The following ESRRG variants were observed in gnomAD, a reference collection of about 807,000 sequenced individuals.
ESRRG encodes estrogen-related receptor gamma.
A neutral mutation model predicts 44.0 loss-of-function variants in ESRRG; 13 were observed. The ratio of observed to expected loss-of-function variants is 0.30; its 90% confidence interval spans 0.19 to 0.47. The LOEUF (loss-of-function observed/expected upper bound fraction) is 0.47. Ranked by LOEUF, ESRRG falls within the 20% of genes least tolerant of loss-of-function variation. ESRRG has a pLI of 1.00. For synonymous variants in ESRRG, 215 were observed against 214.6 expected (o/e 1.00, Z -0.02); for missense variants, 395 against 580.6 (o/e 0.68, Z 3.29).
intron 2 of ESRRG, among the ~76,000 whole-genome samples, chr1:216,938,863 T>C (rs1271042327): frequency 6.6e-6 from 1 of 152,148 alleles, no homozygotes; most frequent in African/African-American, 2.4e-5. Context: ...CAAAAGAATC[T>C]TTACATGCTA....
chr1:217,096,874 C>A (rs1046705184), intron 1 of ESRRG, among the ~76,000 whole-genome samples: 4 of 152,120 alleles, frequency 2.6e-5, no homozygotes, highest in African/African-American at 4.8e-5. Flanking sequence ...AATGAATAAA[C>A]AATGATCAAG....
At chr1:216,647,001 T>C (rs2067745522) in intron 3 of ESRRG, among the ~76,000 whole-genome samples, 1 of 152,128 alleles carries the variant, frequency 6.6e-6, no homozygotes, top group African/African-American at 2.4e-5. Context: ...GTGAATTCTA[T>C]ACCTAAATGA....
chr1:216,819,067 T>C (rs1397161727), intron 2 of ESRRG, among the ~76,000 whole-genome samples: 1 of 152,188 alleles, frequency 6.6e-6, no homozygotes, highest in Non-Finnish European at 1.5e-5. Context: ...AGTGCTGCAG[T>C]GGACATACGT....
At chr1:216,620,930 A>G (rs749102072) in intron 3 of ESRRG, among the ~76,000 whole-genome samples, 2 of 152,190 alleles carry the variant, frequency 1.3e-5, no homozygotes, top group Non-Finnish European at 2.9e-5. Flanking sequence ...TGGCTTACCA[A>G]TCTGAAATCT....
At chr1:216,847,252 T>G (rs774681928) in intron 2 of ESRRG, among the ~76,000 whole-genome samples, 1 of 152,132 alleles carries the variant, frequency 6.6e-6, no homozygotes, top group South Asian at 2.1e-4. Flanking sequence ...CTATCTAAAG[T>G]TTTCAAGTAA....
At chr1:217,104,420 G>A (rs1250285393) in intron 1 of ESRRG, among the ~76,000 whole-genome samples, 2 of 152,192 alleles carry the variant, frequency 1.3e-5, no homozygotes, top group Non-Finnish European at 1.5e-5. Context: ...GATTCAGAAA[G>A]CCTGGCTTCT....
chr1:217,117,191 C>T (rs1263788483), intron 1 of ESRRG, among the ~76,000 whole-genome samples: 3 of 152,218 alleles, frequency 2.0e-5, no homozygotes, highest in African/African-American at 7.2e-5. Flanking sequence ...CATCCCTTCT[C>T]TAAGCCCCAG....
chr1:216,815,902 A>G (rs2095121685), intron 2 of ESRRG, among the ~76,000 whole-genome samples: 1 of 152,154 alleles, frequency 6.6e-6, no homozygotes, highest in African/African-American at 2.4e-5. Context: ...ATTTGGTGTC[A>G]CTTGTTTTTC....
At chr1:216,778,547 C>T (rs2093697128) in intron 2 of ESRRG, among the ~76,000 whole-genome samples, 1 of 151,882 alleles carries the variant, frequency 6.6e-6, no homozygotes, top group Non-Finnish European at 1.5e-5. Flanking sequence ...AAGCAGCAGT[C>T]TCTAATTACC....
intron 3 of ESRRG, among the ~76,000 whole-genome samples, chr1:216,630,059 T>C (rs778042628): frequency 5.3e-5 from 8 of 152,170 alleles, no homozygotes; most frequent in Non-Finnish European, 8.8e-5. Flanking sequence ...AGTAAAACCC[T>C]GGTGAAGTCA....
At chr1:216,930,487 C>T (rs2063191814) in intron 2 of ESRRG, among the ~76,000 whole-genome samples, 1 of 152,102 alleles carries the variant, frequency 6.6e-6, no homozygotes, top group South Asian at 2.1e-4. Flanking sequence ...TCCTCTCTGC[C>T]CTTGCCTCTG....
intron 2 of ESRRG, among the ~76,000 whole-genome samples, chr1:216,890,638 A>C (rs2057651872): frequency 6.6e-6 from 1 of 152,160 alleles, no homozygotes; most frequent in Non-Finnish European, 1.5e-5. Flanking sequence ...TAGAAGAATA[A>C]ACTCAGCCAA....
intron 1 of ESRRG, among the ~76,000 whole-genome samples, chr1:216,968,288 C>A (rs1173770833): frequency 6.6e-6 from 1 of 152,078 alleles, no homozygotes; most frequent in Non-Finnish European, 1.5e-5. Flanking sequence ...GGTGCTGTAT[C>A]TAAAGAGTCA....
chr1:217,116,452 A>C (rs1050226324), intron 1 of ESRRG, among the ~76,000 whole-genome samples: 3 of 152,228 alleles, frequency 2.0e-5, no homozygotes, highest in Non-Finnish European at 4.4e-5. Flanking sequence ...TTGACTGTAA[A>C]GATGCCTACT....
chr1:216,836,633 C>CA (rs1215949499), intron 2 of ESRRG, among the ~76,000 whole-genome samples: 6 of 151,592 alleles, frequency 4.0e-5, no homozygotes, highest in Non-Finnish European at 8.8e-5. Context: ...ATGAGTTTTA[C>CA]AACAGCCACC....
At chr1:216,570,271 GGTAA>G (rs1221322661) in intron 3 of ESRRG, among the ~76,000 whole-genome samples, 1 of 152,084 alleles carries the variant, frequency 6.6e-6, no homozygotes, top group Non-Finnish European at 1.5e-5. Context: ...AAAAAAGTTA[GGTAA>G]GGTTATTAAG....
chr1:216,982,723 T>A (rs977050266), intron 1 of ESRRG, among the ~76,000 whole-genome samples: 5 of 152,212 alleles, frequency 3.3e-5, no homozygotes, highest in African/African-American at 1.2e-4. Flanking sequence ...AAGAAAACTA[T>A]AAAGGAGAAC....
At chr1:216,568,494 C>A (rs928062587) in intron 3 of ESRRG, among the ~76,000 whole-genome samples, 1 of 152,080 alleles carries the variant, frequency 6.6e-6, no homozygotes, top group African/African-American at 2.4e-5. Context: ...CTGAGTAGAC[C>A]AAGAGCTATC....
intron 2 of ESRRG, among the ~76,000 whole-genome samples, chr1:216,937,767 G>A (rs760516874): frequency 2.0e-5 from 3 of 152,130 alleles, no homozygotes; most frequent in Non-Finnish European, 4.4e-5. Context: ...AAAGAGCATC[G>A]CTGGATTCCT....
Sources: allele counts gnomAD v4.1 joint callset (sites outside exome capture counted in the v4.1 genomes callset), GRCh38; gene constraint gnomAD v4.1.1; transcripts MANE v1.5; gene names NCBI Gene and HGNC (gene_info 2026-07-23, HGNC 2026-07-21).